Variants in SHLD1 observed in about 807,000 individuals in gnomAD.
SHLD1 encodes the protein RINN1-REV7-interacting novel NHEJ regulator 3.
In SHLD1, 3 loss-of-function variants were observed where a neutral mutation model predicts 5.5. The ratio of observed to expected loss-of-function variants is 0.54; its 90% confidence interval spans 0.25 to 1.40. SHLD1 has a LOEUF of 1.40. Among genes scored for constraint, SHLD1 ranks in the 40% most tolerant of loss-of-function variants. The pLI, the probability that SHLD1 is intolerant of heterozygous loss-of-function variation, is 0.15. For missense variants in SHLD1, 210 were observed against 244.4 expected (o/e 0.86, Z 0.94); for synonymous variants, 92 against 94.3 (o/e 0.98, Z 0.14).
intron 2 of SHLD1, among the ~76,000 whole-genome samples, chr20:5,832,050 C>G (rs560273276): frequency 2.0e-5 from 3 of 152,220 alleles, no homozygotes; most frequent in African/African-American, 4.8e-5. Context: ...AAGTGATCCT[C>G]CCACCTCAGC....
chr20:5,833,719 G>A (rs1357709749), intron 2 of SHLD1, among the ~76,000 whole-genome samples: 1 of 151,842 alleles, frequency 6.6e-6, no homozygotes, highest in Non-Finnish European at 1.5e-5. Context: ...CACAGAGAGA[G>A]AGAAAATAGT....
intron 2 of SHLD1, among the ~76,000 whole-genome samples, chr20:5,861,112 A>G (rs2088156863): frequency 6.6e-6 from 1 of 152,212 alleles, no homozygotes; most frequent in East Asian, 1.9e-4. Flanking sequence ...AACTGGAACC[A>G]GCCAAGGAGA....
At chr20:5,756,316 T>C (rs1396351437) in intron 1 of SHLD1, among the ~76,000 whole-genome samples, 1 of 152,166 alleles carries the variant, frequency 6.6e-6, no homozygotes, top group Non-Finnish European at 1.5e-5. Flanking sequence ...AAGCATTATA[T>C]TGATCTTTAG....
chr20:5,773,970 G>A (rs1178696316), intron 2 of SHLD1, among the ~76,000 whole-genome samples: 4 of 152,100 alleles, frequency 2.6e-5, no homozygotes, highest in African/African-American at 4.8e-5. Flanking sequence ...TTGGGAGGCC[G>A]AGGCGGGTGG....
chr20:5,860,481 T>C (rs894965432), intron 2 of SHLD1, among the ~76,000 whole-genome samples: 1 of 152,102 alleles, frequency 6.6e-6, no homozygotes, highest in Admixed American at 6.6e-5. Context: ...ATCATCAAAA[T>C]CAAGAAATTA....
At chr20:5,860,253 C>T (rs1299052038) in intron 2 of SHLD1, among the ~76,000 whole-genome samples, 1 of 152,192 alleles carries the variant, frequency 6.6e-6, no homozygotes, top group African/African-American at 2.4e-5. Flanking sequence ...AGGCAATTAC[C>T]CAAGCTAAGG....
chr20:5,809,777 G>A (rs1184238905), intron 2 of SHLD1, among the ~76,000 whole-genome samples: 1 of 152,006 alleles, frequency 6.6e-6, no homozygotes, highest in Admixed American at 6.6e-5. Flanking sequence ...AGTCGGGAGA[G>A]GCCAGGGATG....
At chr20:5,830,544 C>G (rs2087716292) in intron 2 of SHLD1, among the ~76,000 whole-genome samples, 2 of 152,154 alleles carry the variant, frequency 1.3e-5, no homozygotes, top group South Asian at 4.1e-4. Context: ...CAAAATTAGC[C>G]AGGCGTAGTG....
intron 2 of SHLD1, among the ~76,000 whole-genome samples, chr20:5,842,588 C>T (rs1159937826): frequency 1.3e-5 from 2 of 152,028 alleles, no homozygotes; most frequent in Non-Finnish European, 2.9e-5. Flanking sequence ...TGTGCATTGC[C>T]TTTCCTTCGT....
rs2088193560 is a variant in SHLD1 at position 5,863,614 on chromosome 20, C to T, written c.*151C>T. The T allele has an allele frequency of 2.7e-6, 2 of 746,602 alleles. No individual in the cohort carries two copies. The highest frequency in any genetic ancestry group is 3.1e-5 in the Admixed American group (1 of 32,254). 46.2% of individuals were successfully genotyped at this position (746,602 alleles called of 1,614,324 possible). On this transcript the variant is annotated 3_prime_UTR_variant, in exon 3 of 3. Coordinates refer to ENST00000303142, the MANE Select transcript of SHLD1 (RefSeq NM_152504.4). ...GAGGTTAAAGGCTGGCACCTGTGAC[C>T]TGGTATTGGAGCCAGTCAGCCCATA...
chr20:5,822,602 AC>A lies in SHLD1; in HGVS notation c.179-40420del, dbSNP rs376341108. On this transcript the variant is annotated intron_variant, in intron 2 of 2. Transcript: ENST00000303142. Reference sequence around the variant, plus strand: ...GACAAATTGTGTGGTTCCTTATCGTACCTGAGAAGCAGGGAGCAGCCACCAA... The same window carrying A: ...GACAAATTGTGTGGTTCCTTATCGTACTGAGAAGCAGGGAGCAGCCACCAA... Among the ~76,000 whole-genome samples, 602 of 152,066 alleles carry A rather than the reference AC, an allele frequency of 4.0e-3. 1 individual carries two copies. The highest frequency in any genetic ancestry group is 0.01 in the Middle Eastern group (3 of 294).
chr20:5,823,825 A>G (rs1013641004), intron 2 of SHLD1, among the ~76,000 whole-genome samples: 1 of 152,168 alleles, frequency 6.6e-6, no homozygotes, highest in African/African-American at 2.4e-5. Flanking sequence ...TTGCATGGGC[A>G]AGCTTCCTCC....
rs1361285741 is a variant in SHLD1 at position 5,844,791 on chromosome 20, A to ATTTTT, written c.179-18232_179-18231insTTTTT. Among the ~76,000 whole-genome samples the ATTTTT allele has an allele frequency of 2.0e-5, 2 of 98,642 alleles. 1 individual carries two copies. The highest frequency in any genetic ancestry group is 1.3e-4 in the African/African-American group (2 of 15,688). 64.7% of individuals were successfully genotyped at this position (98,642 alleles called of 152,430 possible). ...TAGACATATATATATATATATATAT[A>ATTTTT]TATATATATTTTTTTTTTTTTGAGA... is the stretch of plus-strand genomic sequence containing the variant. On this transcript the variant is annotated intron_variant, in intron 2 of 2. Coordinates refer to ENST00000303142, the MANE Select transcript of SHLD1 (RefSeq NM_152504.4).
intron 1 of SHLD1, among the ~76,000 whole-genome samples, chr20:5,755,705 A>G (rs188469129): frequency 9.1e-4 from 139 of 151,980 alleles, no homozygotes; most frequent in African/African-American, 3.0e-3. Flanking sequence ...GATTACAGGC[A>G]CGCACCACCG....
intron 2 of SHLD1, among the ~76,000 whole-genome samples, chr20:5,800,352 A>C (rs1411429082): frequency 6.6e-6 from 1 of 152,218 alleles, no homozygotes; most frequent in African/African-American, 2.4e-5. Flanking sequence ...TCAAATTGTG[A>C]GATTTCTTTA....
At chr20:5,812,623 G>A (rs889902264) in intron 2 of SHLD1, among the ~76,000 whole-genome samples, 1 of 152,180 alleles carries the variant, frequency 6.6e-6, no homozygotes, top group African/African-American at 2.4e-5. Context: ...GCTTTGCCAT[G>A]TGTATTACTT....
At chr20:5,793,796 G>A (rs8122146) in intron 2 of SHLD1, among the ~76,000 whole-genome samples, 30,287 of 151,624 alleles carry the variant, frequency 0.2, 3,433 homozygotes, top group Non-Finnish European at 0.25. Context: ...TTCAACCTTC[G>A]TCCCTGGTTC....
At chr20:5,845,112 A>G (rs915545982) in intron 2 of SHLD1, among the ~76,000 whole-genome samples, 1 of 152,124 alleles carries the variant, frequency 6.6e-6, no homozygotes, top group African/African-American at 2.4e-5. Context: ...ATATATTAAT[A>G]GAAGCATTCA....
chr20:5,825,596 C>G (rs1185693380), intron 2 of SHLD1, among the ~76,000 whole-genome samples: 3 of 152,168 alleles, frequency 2.0e-5, no homozygotes, highest in Admixed American at 2.0e-4. Flanking sequence ...AATAACAAGG[C>G]CGGCACAGTG....
Sources: allele counts gnomAD v4.1 joint callset (sites outside exome capture counted in the v4.1 genomes callset), GRCh38; gene constraint gnomAD v4.1.1; transcripts MANE v1.5; gene names NCBI Gene and HGNC (gene_info 2026-07-23, HGNC 2026-07-21).